Variants in ABTB3 observed in about 807,000 individuals in gnomAD.
The protein encoded by ABTB3 is ankyrin repeat and BTB domain containing 3, also known as ankyrin repeat- and BTB/POZ domain-containing protein 3.
chr12:107,515,525 G>A, the ABTB3 span, among the ~76,000 whole-genome samples: 65 of 152,304 alleles, frequency 4.3e-4, no homozygotes, highest in African/African-American at 1.5e-3. Flanking sequence ...GGGGTGGTAA[G>A]TTCCTGAATT....
At chr12:107,505,260 T>TA in the ABTB3 span, among the ~76,000 whole-genome samples, 4 of 151,986 alleles carry the variant, frequency 2.6e-5, no homozygotes, top group Admixed American at 6.6e-5. Context: ...AATAAGTAGC[T>TA]AAAAAAATAG....
At chr12:107,405,407 T>G in the ABTB3 span, among the ~76,000 whole-genome samples, 1 of 152,218 alleles carries the variant, frequency 6.6e-6, no homozygotes. Flanking sequence ...AGTCTGTCAT[T>G]AAATGGTCAA....
the ABTB3 span, among the ~76,000 whole-genome samples, chr12:107,403,089 G>A: frequency 6.6e-6 from 1 of 152,166 alleles, no homozygotes; most frequent in African/African-American, 2.4e-5. Flanking sequence ...CATTCATTCC[G>A]ATTGTGTGAA....
At chr12:107,332,805 G>A in the ABTB3 span, among the ~76,000 whole-genome samples, 2 of 152,178 alleles carry the variant, frequency 1.3e-5, no homozygotes, top group Non-Finnish European at 1.5e-5. Context: ...GGAAGGCCCT[G>A]TTCTCCTACT....
chr12:107,581,395 C>A, the ABTB3 span: 1 of 1,117,594 alleles, frequency 8.9e-7, no homozygotes, highest in Non-Finnish European at 1.1e-6. Context: ...GCTGGGCGGC[C>A]TGAGCCCCGC....
chr12:107,494,761 G>A, the ABTB3 span, among the ~76,000 whole-genome samples: 6 of 152,178 alleles, frequency 3.9e-5, no homozygotes, highest in Admixed American at 3.9e-4. Flanking sequence ...GCTTCCCCAG[G>A]TGGCACCTCC....
At chr12:107,433,564 G>T in the ABTB3 span, among the ~76,000 whole-genome samples, 2 of 152,106 alleles carry the variant, frequency 1.3e-5, no homozygotes, top group African/African-American at 2.4e-5. Context: ...GCCACTCTGC[G>T]TGTGTCAGGT....
chr12:107,490,198 C>A, the ABTB3 span, among the ~76,000 whole-genome samples: 7,727 of 152,136 alleles, frequency 0.051, 284 homozygotes, highest in East Asian at 0.19. Context: ...TCCACTCCAC[C>A]GCCCAGGTTC....
chr12:107,503,299 G>T, the ABTB3 span, among the ~76,000 whole-genome samples: 1 of 152,116 alleles, frequency 6.6e-6, no homozygotes, highest in Non-Finnish European at 1.5e-5. Flanking sequence ...CCATAGACAT[G>T]GTGGCTGGGG....
At chr12:107,380,864 G>A in the ABTB3 span, among the ~76,000 whole-genome samples, 121 of 151,984 alleles carry the variant, frequency 8.0e-4, no homozygotes, top group Non-Finnish European at 6.0e-4. Context: ...TATATTATAT[G>A]GTAGTACAGC....
the ABTB3 span, among the ~76,000 whole-genome samples, chr12:107,479,740 C>T: frequency 1.3e-5 from 2 of 152,054 alleles, no homozygotes; most frequent in Non-Finnish European, 2.9e-5. Context: ...CTTCTCTGTG[C>T]CAGACACTGT....
the ABTB3 span, among the ~76,000 whole-genome samples, chr12:107,558,260 T>C: frequency 6.6e-6 from 1 of 152,088 alleles, no homozygotes; most frequent in African/African-American, 2.4e-5. Context: ...TAACCAGTTA[T>C]TAAAATGCTG....
the ABTB3 span, chr12:107,618,263 G>C: frequency 1.2e-6 from 2 of 1,613,454 alleles, no homozygotes; most frequent in Non-Finnish European, 1.7e-6. Flanking sequence ...AGACAGCCCC[G>C]CCCCCCTTGT....
At chr12:107,495,007 G>A in the ABTB3 span, among the ~76,000 whole-genome samples, 2 of 152,202 alleles carry the variant, frequency 1.3e-5, no homozygotes, top group African/African-American at 2.4e-5. Flanking sequence ...GGAAATGCAG[G>A]TATAGGGAGA....
At chr12:107,418,872 A>C in the ABTB3 span, among the ~76,000 whole-genome samples, 1 of 152,248 alleles carries the variant, frequency 6.6e-6, no homozygotes, top group South Asian at 2.1e-4. Flanking sequence ...ATTTTATGTA[A>C]CTCAAATATC....
At chr12:107,651,088 C>T in the ABTB3 span, among the ~76,000 whole-genome samples, 1 of 150,950 alleles carries the variant, frequency 6.6e-6, no homozygotes, top group African/African-American at 2.4e-5. Flanking sequence ...GTCGTTCTCT[C>T]AACACACATC....
the ABTB3 span, among the ~76,000 whole-genome samples, chr12:107,635,847 AC>A: frequency 3.3e-3 from 135 of 40,722 alleles, no homozygotes; most frequent in African/African-American, 9.1e-3. Flanking sequence ...GAAGGGAGGA[AC>A]AACCCCCCCC....
At chr12:107,619,550 A>T in the ABTB3 span, among the ~76,000 whole-genome samples, 2 of 152,154 alleles carry the variant, frequency 1.3e-5, no homozygotes, top group Admixed American at 1.3e-4. Flanking sequence ...GGGCACATCC[A>T]CTCTTTAATC....
At chr12:107,553,045 C>A in the ABTB3 span, among the ~76,000 whole-genome samples, 6 of 152,182 alleles carry the variant, frequency 3.9e-5, no homozygotes, top group Non-Finnish European at 1.5e-5. Flanking sequence ...TGCTGTGTGA[C>A]CTCAAGGCTT....
Sources: allele counts gnomAD v4.1 joint callset (sites outside exome capture counted in the v4.1 genomes callset), GRCh38; gene constraint gnomAD v4.1.1; transcripts MANE v1.5; gene names NCBI Gene and HGNC (gene_info 2026-07-23, HGNC 2026-07-21).